The following KLF11 variants were observed in gnomAD, a reference collection of about 807,000 sequenced individuals.
KLF11 encodes KLF transcription factor 11.
A neutral mutation model predicts 29.9 loss-of-function variants in KLF11; 26 were observed. That is an observed-to-expected ratio of 0.87 (90% CI 0.64 to 1.21). KLF11 has a LOEUF of 1.21. Among genes scored for constraint, KLF11 ranks in the 50% most tolerant of loss-of-function variants. KLF11 has a pLI of 0.00. For synonymous variants in KLF11, 318 were observed against 257.4 expected, an observed-to-expected ratio of 1.24 and a Z score of -2.25; for missense variants, 778 against 665.7, an observed-to-expected ratio of 1.17 and a Z score of -1.86.
intron 1 of KLF11, among the ~76,000 whole-genome samples, chr2:10,044,796 T>G (rs1457153337): frequency 6.6e-6 from 1 of 152,018 alleles, no homozygotes; most frequent in Admixed American, 6.6e-5. Flanking sequence ...CGGCTTAGTT[T>G]TCTTTTGGAA....
intron 1 of KLF11, among the ~76,000 whole-genome samples, chr2:10,045,818 C>T (rs1354425062): frequency 6.6e-6 from 1 of 152,260 alleles, no homozygotes; most frequent in Admixed American, 6.5e-5. Context: ...TGCTCCTCCT[C>T]CCAGCCACTT....
Position 10,052,724 on chromosome 2 carries a change from G to GT in KLF11, c.*227dup, listed in dbSNP as rs34206941. ...TAGTTTCAGAAGTTTTTTTGTTTTG[G>GT]TTTTTTTTTTAAAGAAATGGTAGAA... On this transcript the variant is annotated 3_prime_UTR_variant, in exon 4 of 4. Coordinates refer to ENST00000305883, the MANE Select transcript of KLF11 (RefSeq NM_003597.5). 0.082 allele frequency: 35,055 copies of GT among 425,380 alleles called. 660 individuals carry two copies. The highest frequency in any genetic ancestry group is 0.16 in the East Asian group (4,209 of 26,088). 26.4% of individuals were successfully genotyped at this position (425,380 alleles called of 1,614,324 possible).
At chr2:10,047,263 C>G (rs752316950) in intron 2 of KLF11, among the ~76,000 whole-genome samples, 2 of 152,152 alleles carry the variant, frequency 1.3e-5, no homozygotes, top group Non-Finnish European at 2.9e-5. Context: ...AAGCTGAGAA[C>G]TGTAGGTTGC....
intron 1 of KLF11, chr2:10,043,989 T>A (rs1261124129): frequency 8.4e-6 from 7 of 828,800 alleles, no homozygotes; most frequent in Non-Finnish European, 1.0e-5. Context: ...CGCGCAGCTT[T>A]GTCTTGCGCT....
rs767248653 is a variant in KLF11 at position 10,046,423 on chromosome 2, A to C, written c.312+4A>C. On this transcript the variant is annotated splice_donor_region_variant and intron_variant, in intron 2 of 3. Transcript: ENST00000305883. ...CTTCCATTCTTTATCGACTCTGGTA[A>C]GAGGAGGTGGGAGGGAGGAGCGTTT... The C allele has an allele frequency of 6.2e-7, 1 of 1,613,718 alleles. No individual in the cohort carries two copies. Among genetic ancestry groups the C allele is most frequent in the Non-Finnish European group, 8.5e-7 (1 of 1,180,044 alleles).
chr2:10,046,079 C>T, intron 1 of KLF11, 71 bp from the exon 2 acceptor site: 2 of 1,570,048 alleles, frequency 1.3e-6, no homozygotes, highest in South Asian at 2.2e-5. Flanking sequence ...ATATGCATAT[C>T]CACATGCCCA....
Position 10,048,377 on chromosome 2 carries a change from C to T in KLF11, c.1040C>T (p.Ala347Val), listed in dbSNP as rs770834509. The change falls in exon 3 of 4, where the codon GCC (alanine) becomes GTC (valine). Residue 347 changes from alanine (A) to valine (V), a missense_variant. By Grantham distance (64) the Ala-to-Val change is moderately conservative. Coordinates refer to ENST00000305883, the MANE Select transcript of KLF11 (RefSeq NM_003597.5). ...GAVMLVLPQGALPPPAPCAAN... is the reference protein window; with the variant it reads ...GAVMLVLPQGVLPPPAPCAAN... The stretch of plus-strand genomic sequence containing the variant: ...GTGATGTTGGTCCTGCCCCAGGGAG[C>T]CCTCCCTCCGCCTGCCCCCTGTGCA... 2.5e-6 allele frequency: 4 copies of T among 1,612,462 alleles called. No homozygotes were observed. The highest frequency in any genetic ancestry group is 3.3e-5 in the Admixed American group (2 of 59,980).
chr2:10,046,906 A>G (rs1661224124), intron 2 of KLF11, among the ~76,000 whole-genome samples: 1 of 152,192 alleles, frequency 6.6e-6, no homozygotes, highest in African/African-American at 2.4e-5. Context: ...ATTTCTGAAA[A>G]ATGTGCTCTT....
chr2:10,052,984 C>T lies in KLF11; in HGVS notation c.*477C>T. 2.7e-6 allele frequency: 1 copy of T among 368,436 alleles called. No individual in the cohort carries two copies. The highest frequency in any genetic ancestry group is 4.8e-6 in the Non-Finnish European group (1 of 208,498). 22.8% of individuals were successfully genotyped at this position (368,436 alleles called of 1,614,324 possible). Reference sequence around the variant, plus strand: ...TTAATAACAAAGTTTTTCCTAATGGCCCTTCTTTTAGTAAACTGGACATGT... The same window carrying T: ...TTAATAACAAAGTTTTTCCTAATGGTCCTTCTTTTAGTAAACTGGACATGT... On this transcript the variant is annotated 3_prime_UTR_variant, in exon 4 of 4. Transcript: ENST00000305883.
intron 2 of KLF11, 99 bp downstream of exon 2, chr2:10,046,518 G>C: frequency 1.5e-6 from 2 of 1,354,512 alleles, no homozygotes; most frequent in East Asian, 2.3e-5. Context: ...TGGGATGCTG[G>C]CAAATAAGTT....
chr2:10,046,047 A>T, intron 1 of KLF11, 103 bp from the exon 2 acceptor site: 1 of 1,294,290 alleles, frequency 7.7e-7, no homozygotes, highest in Non-Finnish European at 1.1e-6. Context: ...CATGTGCATT[A>T]CATGCCTACT....
intron 1 of KLF11, chr2:10,044,129 GGCAAGAGC>G (rs1484684555): frequency 5.8e-5 from 8 of 137,418 alleles, no homozygotes; most frequent in African/African-American, 8.1e-5. Flanking sequence ...TTGGGGGCGG[GGCAAGAGC>G]TGCTGGCGGG....
chr2:10,046,008 A>C, intron 1 of KLF11, 142 bp from the exon 2 acceptor site: 1 of 933,004 alleles, frequency 1.1e-6, no homozygotes, highest in Non-Finnish European at 1.7e-6. Context: ...CTTTTACTAC[A>C]CCTCGGTGTT....
rs1053945207 is a variant in KLF11 at position 10,043,868 on chromosome 2, G to C, written c.42+110G>C. On this transcript the variant is annotated intron_variant, in intron 1 of 3. Coordinates refer to ENST00000305883, the MANE Select transcript of KLF11 (RefSeq NM_003597.5). Reference sequence around the variant, plus strand: ...AAATGCGGGAGGTGGGGCGTGCAGGGCTTCGCTGCGGCCGCGCCGGTAGGG... The same window carrying C: ...AAATGCGGGAGGTGGGGCGTGCAGGCCTTCGCTGCGGCCGCGCCGGTAGGG... The C allele has an allele frequency of 8.9e-6, 10 of 1,124,676 alleles. No homozygotes were observed. The South Asian group carries it at 1.5e-4, about 17-fold the overall frequency. 69.7% of individuals were successfully genotyped at this position (1,124,676 alleles called of 1,614,324 possible). A position where few individuals can be genotyped will look rare whatever the true frequency, so the allele number is the denominator to read the frequency against.
At chr2:10,043,953 CGGGGGCGAGGA>C (rs1406500763) in intron 1 of KLF11, 195 bp downstream of exon 1, 1 of 965,334 alleles carries the variant, frequency 1.0e-6, no homozygotes, top group African/African-American at 1.8e-5. Flanking sequence ...CCCGGGTCGG[CGGGGGCGAGGA>C]GGGGGCGTGT....
rs572874936 is a variant in KLF11 at position 10,053,116 on chromosome 2, C to T, written c.*609C>T. On this transcript the variant is annotated 3_prime_UTR_variant, in exon 4 of 4. Transcript: ENST00000305883. ...AGGGAAAAATAAATTTTGCCGTCAG[C>T]TTCTTCATAACGTTTTCAAGGAAAT... 14 of 397,884 alleles carry T rather than the reference C, an allele frequency of 3.5e-5. No individual in the cohort carries two copies. The highest frequency in any genetic ancestry group is 5.7e-5 in the Non-Finnish European group (13 of 226,240). The allele number at this position is 397,884 out of a possible 1,614,324, so 24.6% of individuals were successfully genotyped here.
intron 3 of KLF11, 30 bp from the exon 4 acceptor site, chr2:10,052,197 C>A (rs373063589): frequency 4.3e-6 from 7 of 1,611,138 alleles, no homozygotes; most frequent in Non-Finnish European, 5.9e-6. Context: ...CGTTTCCTTT[C>A]TCTTTAATAT....
At position 10,047,878 on chromosome 2, in the gene KLF11, G is replaced by A. The variant is rs146238335; in HGVS notation, c.541G>A (p.Glu181Lys). The part of the protein sequence containing the change: ...KGTSVIRHTG[E>K]SPAACFPTIQ... The stretch of plus-strand genomic sequence containing the variant: ...GACTAGCGTGATCCGACACACTGGG[G>A]AGAGCCCTGCTGCCTGCTTTCCCAC... Residue 181 changes from glutamate (E) to lysine (K), a missense_variant, in exon 3 of 4, where the codon GAG becomes AAG. Glu to Lys is a moderately conservative substitution (Grantham distance 56). Transcript: ENST00000305883. The A allele has an allele frequency of 2.6e-4, 422 of 1,613,840 alleles. 1 individual carries two copies. The African/African-American group carries it at 4.9e-3, about 19-fold the overall frequency.
chr2:10,048,138 C>A lies in KLF11; in HGVS notation c.801C>A (p.Asp267Glu). 1 of 1,614,202 alleles carries A rather than the reference C, an allele frequency of 6.2e-7. No homozygotes were observed. Residue 267 changes from aspartate to glutamate, a missense_variant, in exon 3 of 4, where the codon GAC becomes GAA. Asp to Glu is a conservative substitution (Grantham distance 45). Transcript: ENST00000305883. The part of the protein sequence containing the change: ...QTCSPKNYEN[D>E]LPRKTTPLIS... ...GCTCACCAAAGAATTATGAAAATGA[C>A]CTGCCCAGGAAAACCACCCCTCTGA...
Sources: gnomAD v4.1 joint callset for allele counts (sites outside exome capture counted in the v4.1 genomes callset) on GRCh38, gnomAD v4.1.1 for gene constraint, MANE v1.5 for transcripts, NCBI Gene and HGNC (gene_info 2026-07-23, HGNC 2026-07-21) for gene names.